The following SMAD4 variants were observed in gnomAD, a reference collection of about 807,000 sequenced individuals.
The protein encoded by SMAD4 is MAD homolog 4.
In SMAD4, 7 loss-of-function variants were observed where a neutral mutation model predicts 63.2. The ratio of observed to expected loss-of-function variants is 0.11; its 90% CI spans 0.06 to 0.21. The LOEUF is 0.21. Among genes scored for constraint, SMAD4 ranks in the 10% least tolerant of loss-of-function variants. The pLI is 1.00. For synonymous variants in SMAD4, 215 were observed against 235.4 expected (o/e 0.91, Z 0.79); for missense variants, 312 against 693.8 (o/e 0.45, Z 6.18).
rs897741942 is a variant in SMAD4, at chr18:51,081,751, A to G, written c.*3284A>G. ...AAATGTCCTGTCTCCCAGATGATAT[A>G]CATCTTATTATTTTTAAAGTTTATT... On this transcript the variant is annotated 3_prime_UTR_variant, in exon 12 of 12. Transcript: ENST00000342988. The G allele has an allele frequency of 4.3e-6, 1 of 232,642 alleles. No individual in the cohort carries two copies. The highest frequency in any genetic ancestry group is 5.6e-5 in the Admixed American group (1 of 17,762). The allele number at this position is 232,642 out of a possible 1,614,324, so 14.4% of individuals were successfully genotyped here.
At position 51,082,948 on chromosome 18, in the gene SMAD4, C is replaced by G. The variant is rs1599209086; in HGVS notation, c.*4481C>G. On this transcript the variant is annotated 3_prime_UTR_variant, in exon 12 of 12. Coordinates refer to ENST00000342988, the MANE Select transcript of SMAD4 (RefSeq NM_005359.6). ...TCTGGGACAGGACCCAAGACACTTT[C>G]CTGTGAAGTGCTGAAAAAGACCTCA... 2 of 226,722 alleles carry G rather than the reference C, an allele frequency of 8.8e-6. No individual in the cohort carries two copies. Among genetic ancestry groups the G allele is most frequent in the Non-Finnish European group, 1.8e-5 (2 of 114,066 alleles). 14.0% of individuals were successfully genotyped at this position (226,722 alleles called of 1,614,324 possible).
chr18:51,038,069 GC>G (rs1909257377), intron 1 of SMAD4, among the ~76,000 whole-genome samples: 1 of 152,048 alleles, frequency 6.6e-6, no homozygotes, highest in Non-Finnish European at 1.5e-5. Flanking sequence ...TGGGAGAATT[GC>G]TTTTGGCCAA....
chr18:51,074,103 G>A (rs1435166281), intron 10 of SMAD4, among the ~76,000 whole-genome samples: 1 of 151,914 alleles, frequency 6.6e-6, no homozygotes, highest in East Asian at 1.9e-4. Flanking sequence ...ACTGGGCATA[G>A]TGATTGACTC....
chr18:51,066,808 A>G (rs974845283), intron 9 of SMAD4: 1 of 534,384 alleles, frequency 1.9e-6, no homozygotes, highest in Non-Finnish European at 3.3e-6. Context: ...CATGCTCCTG[A>G]CACATAGTAA....
chr18:51,077,360 C>G, intron 11 of SMAD4: 1 of 983,956 alleles, frequency 1.0e-6, no homozygotes, highest in Non-Finnish European at 1.2e-6. Flanking sequence ...CACCCATCTT[C>G]CACGTCTGAA....
intron 1 of SMAD4, among the ~76,000 whole-genome samples, chr18:51,035,737 T>C (rs1396484624): frequency 6.6e-6 from 1 of 152,210 alleles, no homozygotes; most frequent in Non-Finnish European, 1.5e-5. Context: ...AGAGATCATC[T>C]AGGGCATGTT....
chr18:51,056,132 C>T (rs1043006576), intron 5 of SMAD4, among the ~76,000 whole-genome samples: 4 of 152,130 alleles, frequency 2.6e-5, no homozygotes, highest in African/African-American at 9.7e-5. Context: ...TATTATCTGT[C>T]TACTTTTTAT....
chr18:51,046,664 T>C (rs1599180630), intron 1 of SMAD4, among the ~76,000 whole-genome samples: 1 of 152,100 alleles, frequency 6.6e-6, no homozygotes, highest in East Asian at 1.9e-4. Context: ...ACTATCATAA[T>C]GAGAAGACCT....
intron 5 of SMAD4, among the ~76,000 whole-genome samples, chr18:51,056,661 C>A: frequency 6.9e-6 from 1 of 145,498 alleles, no homozygotes; most frequent in African/African-American, 2.5e-5. Context: ...TCCCTTAGGT[C>A]TCAAAAAGTA....
At chr18:51,072,370 C>T (rs930920899) in intron 10 of SMAD4, among the ~76,000 whole-genome samples, 1 of 152,098 alleles carries the variant, frequency 6.6e-6, no homozygotes, top group Non-Finnish European at 1.5e-5. Context: ...TGTTTTTGAA[C>T]ACATTTATTT....
chr18:51,072,343 T>C (rs1277976293), intron 10 of SMAD4, among the ~76,000 whole-genome samples: 3 of 152,180 alleles, frequency 2.0e-5, no homozygotes, highest in African/African-American at 7.2e-5. Context: ...CTTCCTGTGT[T>C]AATATTGAGT....
Position 51,059,883 on chromosome 18 carries a change from C to A in SMAD4, c.922C>A (p.Leu308Ile), listed in dbSNP as rs1383128743. 1 of 1,612,962 alleles carries A rather than the reference C, an allele frequency of 6.2e-7. No homozygotes were observed. The highest frequency in any genetic ancestry group is 1.3e-5 in the African/African-American group (1 of 74,866). Residue 308 changes from leucine (L) to isoleucine (I), a missense_variant, in exon 8 of 12, where the codon CTT becomes ATT. By Grantham distance (5) the Leu-to-Ile change is conservative. Coordinates refer to ENST00000342988, the MANE Select transcript of SMAD4 (RefSeq NM_005359.6). ...TTCTTTAGGGCCTGTTCACAATGAG[C>A]TTGCATTCCAGCCTCCCATTTCCAA... ...PGHYWPVHNELAFQPPISNHP... is the reference protein window; with the variant it reads ...PGHYWPVHNEIAFQPPISNHP...
intron 11 of SMAD4, among the ~76,000 whole-genome samples, chr18:51,077,692 A>C (rs777834618): frequency 6.6e-6 from 1 of 152,160 alleles, no homozygotes; most frequent in Non-Finnish European, 1.5e-5. Context: ...AGTGTTATAA[A>C]CATGCTTTTA....
intron 3 of SMAD4, 84 bp downstream of exon 3, chr18:51,048,944 A>C: frequency 8.1e-7 from 1 of 1,227,498 alleles, no homozygotes; most frequent in Non-Finnish European, 1.2e-6. Flanking sequence ...TTAAATTATA[A>C]ATTTGGAAGA....
intron 7 of SMAD4, among the ~76,000 whole-genome samples, chr18:51,059,062 A>G (rs1396063062): frequency 1.3e-5 from 2 of 152,188 alleles, no homozygotes; most frequent in African/African-American, 4.8e-5. Flanking sequence ...AAGAAAAGCA[A>G]AATTACCCTG....
chr18:51,074,489 C>T (rs1034355685), intron 10 of SMAD4, among the ~76,000 whole-genome samples: 2 of 152,176 alleles, frequency 1.3e-5, no homozygotes, highest in South Asian at 4.2e-4. Context: ...CAAGAGTGAA[C>T]CCTTACGTAA....
intron 10 of SMAD4, among the ~76,000 whole-genome samples, chr18:51,073,397 A>ACACC (rs1910382548): frequency 1.3e-5 from 1 of 79,470 alleles, no homozygotes; most frequent in African/African-American, 4.0e-5. Flanking sequence ...ATACACACAC[A>ACACC]CACACACACA....
intron 4 of SMAD4, among the ~76,000 whole-genome samples, chr18:51,050,547 TA>T (rs1909679605): frequency 6.6e-6 from 1 of 150,886 alleles, no homozygotes; most frequent in African/African-American, 2.4e-5. Flanking sequence ...TAGTCCCAGC[TA>T]CTTGGGAAGC....
rs1047967021 is a variant in SMAD4 at position 51,084,022 on chromosome 18, A to G, written c.*5555A>G. ...TGCGCACGCGCGCGCGCACACACAC[A>G]CACACACACACACACACACACAGGT... On this transcript the variant is annotated 3_prime_UTR_variant, in exon 12 of 12. Transcript: ENST00000342988. The G allele has an allele frequency of 9.9e-3, 2,197 of 222,776 alleles. 62 individuals carry two copies. The highest frequency in any genetic ancestry group is 0.049 in the African/African-American group (2,033 of 41,414). The allele number at this position is 222,776 out of a possible 1,614,324, so 13.8% of individuals were successfully genotyped here. A position where few individuals can be genotyped will look rare whatever the true frequency, so the allele number is the denominator to read the frequency against.
Sources: allele counts gnomAD v4.1 joint callset (sites outside exome capture counted in the v4.1 genomes callset), GRCh38; gene constraint gnomAD v4.1.1; transcripts MANE v1.5; gene names NCBI Gene and HGNC (gene_info 2026-07-23, HGNC 2026-07-21).